Variants in PARD3B observed in about 807,000 individuals in gnomAD.
The protein encoded by PARD3B is partitioning defective 3 homolog B.
PARD3B carries 103 observed loss-of-function variants against 130.2 expected under a neutral mutation model. That is an observed-to-expected ratio of 0.79 (90% CI 0.67 to 0.93). The LOEUF is 0.93. Ranked by LOEUF, PARD3B falls within the 40% of genes least tolerant of loss-of-function variation. The pLI is 0.00. For synonymous variants in PARD3B, 583 were observed against 553.2 expected (o/e 1.05, Z -0.76); for missense variants, 1,609 against 1,499.2 (o/e 1.07, Z -1.21).
chr2:205,204,014 T>C (rs1303659061), intron 15 of PARD3B, among the ~76,000 whole-genome samples: 1 of 152,234 alleles, frequency 6.6e-6, no homozygotes, highest in Non-Finnish European at 1.5e-5. Flanking sequence ...TCTGGATCCT[T>C]GAGGAATCAC....
At chr2:205,480,956 T>C (rs530876400) in intron 20 of PARD3B, among the ~76,000 whole-genome samples, 2 of 152,058 alleles carry the variant, frequency 1.3e-5, no homozygotes, top group Non-Finnish European at 2.9e-5. Flanking sequence ...GACCCACCAA[T>C]GACAGACTCC....
chr2:205,468,960 CCT>C (rs1418029057), intron 20 of PARD3B, among the ~76,000 whole-genome samples: 3 of 152,004 alleles, frequency 2.0e-5, no homozygotes, highest in Admixed American at 6.6e-5. Flanking sequence ...CCATTTTTCC[CCT>C]CTATCTTTTT....
At chr2:205,503,246 T>A (rs1165372502) in intron 21 of PARD3B, among the ~76,000 whole-genome samples, 6 of 152,174 alleles carry the variant, frequency 3.9e-5, no homozygotes, top group African/African-American at 1.4e-4. Flanking sequence ...ATATATGTGA[T>A]AAATGCTGTA....
chr2:205,026,099 T>A (rs1251284337), intron 3 of PARD3B, among the ~76,000 whole-genome samples: 1 of 152,150 alleles, frequency 6.6e-6, no homozygotes, highest in Non-Finnish European at 1.5e-5. Context: ...TGTAAACAAA[T>A]GCACAAGAGT....
intron 22 of PARD3B, among the ~76,000 whole-genome samples, chr2:205,599,386 T>C (rs1284876768): frequency 6.6e-6 from 1 of 152,236 alleles, no homozygotes; most frequent in Non-Finnish European, 1.5e-5. Flanking sequence ...AAGACTGAAT[T>C]CACCTGTCTC....
At chr2:205,329,134 G>A (rs866693064) in intron 18 of PARD3B, among the ~76,000 whole-genome samples, 2 of 152,120 alleles carry the variant, frequency 1.3e-5, no homozygotes, top group Non-Finnish European at 2.9e-5. Flanking sequence ...CAGGCACGGG[G>A]TACAGTGATG....
At position 205,263,052 on chromosome 2, in the gene PARD3B, G is replaced by A. The variant is rs2040376414; in HGVS notation, c.2185+17230G>A. Among the ~76,000 whole-genome samples the A allele has an allele frequency of 6.6e-6, 1 of 151,934 alleles. No individual in the cohort carries two copies. The highest frequency in any genetic ancestry group is 2.4e-5 in the African/African-American group (1 of 41,372). On this transcript the variant is annotated intron_variant, in intron 16 of 22. Coordinates refer to ENST00000406610, the MANE Select transcript of PARD3B (RefSeq NM_001302769.2). The surrounding 1 kb of genome is among the most constrained non-coding windows in gnomAD (Gnocchi z 4.0). ...TGAAAGCCCAAGGTACTGCCATGGG[G>A]GTAATTTATGAATCTGGAGAAATAA...
intron 20 of PARD3B, among the ~76,000 whole-genome samples, chr2:205,447,737 A>G (rs2047957128): frequency 6.6e-6 from 1 of 152,198 alleles, no homozygotes; most frequent in African/African-American, 2.4e-5. Flanking sequence ...CGTCCCACTC[A>G]TCAGAGGCAT....
chr2:204,694,353 C>T (rs78096276), intron 2 of PARD3B, among the ~76,000 whole-genome samples: 17,137 of 151,934 alleles, frequency 0.11, 1,058 homozygotes, highest in African/African-American at 0.16. Context: ...CTTACCATCT[C>T]GAAGTTCTTA....
chr2:204,607,231 C>G lies in PARD3B; in HGVS notation c.120+61112C>G, dbSNP rs572293940. ...GGTATCCCAAAGGAAATTATAGGGG[C>G]AGATTATCATATAGACGAATGATTA... is the stretch of plus-strand genomic sequence containing the variant. On this transcript the variant is annotated intron_variant, in intron 1 of 22. Transcript: ENST00000406610. Among the ~76,000 whole-genome samples the G allele has an allele frequency of 8.6e-4, 131 of 152,196 alleles. 1 individual carries two copies. The highest frequency in any genetic ancestry group is 3.4e-3 in the Middle Eastern group (1 of 294).
chr2:205,080,954 A>C (rs1701369753), intron 4 of PARD3B, among the ~76,000 whole-genome samples: 1 of 152,008 alleles, frequency 6.6e-6, no homozygotes, highest in South Asian at 2.1e-4. Context: ...TCTTGCCCAT[A>C]ATTGTATTGG....
At chr2:205,102,367 G>A (rs1702843601) in intron 4 of PARD3B, among the ~76,000 whole-genome samples, 1 of 151,528 alleles carries the variant, frequency 6.6e-6, no homozygotes, top group African/African-American at 2.4e-5. Context: ...CAAAAATGAG[G>A]CCATCAAATA....
intron 2 of PARD3B, among the ~76,000 whole-genome samples, chr2:204,920,227 G>A (rs2047616562): frequency 1.3e-5 from 2 of 152,188 alleles, no homozygotes; most frequent in Admixed American, 6.5e-5. Flanking sequence ...TTTGGGGTTA[G>A]TAAATGTATA....
At chr2:205,006,391 A>G (rs1695267423) in intron 3 of PARD3B, among the ~76,000 whole-genome samples, 1 of 152,114 alleles carries the variant, frequency 6.6e-6, no homozygotes, top group African/African-American at 2.4e-5. Flanking sequence ...TCTCCATGCT[A>G]TTTTCCATAG....
In PARD3B at chr2:205,268,260, A is replaced by G. The variant is rs999547439; in HGVS notation, c.2185+22438A>G. Among the ~76,000 whole-genome samples the G allele has an allele frequency of 2.0e-5, 3 of 152,268 alleles. No homozygotes were observed. The highest frequency in any genetic ancestry group is 4.4e-5 in the Non-Finnish European group (3 of 68,050). ...CGATGTCTTGTGACATACATGCATT[A>G]GTGAAAGTAAATAAGCATGAAGACA... is the stretch of plus-strand genomic sequence containing the variant. On this transcript the variant is annotated intron_variant, in intron 16 of 22. Coordinates refer to ENST00000406610, the MANE Select transcript of PARD3B (RefSeq NM_001302769.2). The surrounding 1 kb of genome is among the most constrained non-coding windows in gnomAD (Gnocchi z 4.1).
chr2:205,318,085 A>T (rs2042620751), intron 18 of PARD3B, among the ~76,000 whole-genome samples: 1 of 152,184 alleles, frequency 6.6e-6, no homozygotes, highest in African/African-American at 2.4e-5. Flanking sequence ...AGACAAACCC[A>T]CCAGCGAACA....
At chr2:205,451,834 C>A (rs554656809) in intron 20 of PARD3B, among the ~76,000 whole-genome samples, 2 of 152,050 alleles carry the variant, frequency 1.3e-5, no homozygotes, top group Non-Finnish European at 2.9e-5. Context: ...CAATTATACT[C>A]TTTTAGGTAT....
At chr2:205,110,302 A>G (rs191684047) in intron 5 of PARD3B, among the ~76,000 whole-genome samples, 586 of 152,330 alleles carry the variant, frequency 3.8e-3, no homozygotes, top group South Asian at 0.021. Context: ...TTCTGGATGG[A>G]AACCAAATGA....
intron 21 of PARD3B, among the ~76,000 whole-genome samples, chr2:205,521,767 T>TCTAA (rs2051070003): frequency 6.6e-6 from 1 of 152,130 alleles, no homozygotes; most frequent in African/African-American, 2.4e-5. Flanking sequence ...TTTGTTTGTT[T>TCTAA]CTAACTTTAG....
Sources: gnomAD v4.1 joint callset for allele counts (sites outside exome capture counted in the v4.1 genomes callset) on GRCh38, gnomAD v4.1.1 for gene constraint, Gnocchi (gnomAD v3.1) non-coding constraint, MANE v1.5 for transcripts, NCBI Gene and HGNC (gene_info 2026-07-23, HGNC 2026-07-21) for gene names.